ZNF611: variants seen among roughly 807,000 people sequenced by gnomAD.
The protein encoded by ZNF611 is zinc finger protein 611.
A neutral mutation model predicts 8.9 loss-of-function variants in ZNF611; 6 were observed. The observed-to-expected ratio is 0.68, with a 90% CI of 0.37 to 1.34. The LOEUF is 1.34. Ranked by LOEUF, ZNF611 falls within the 40% of genes most tolerant of loss-of-function variation. The probability of loss-of-function intolerance (pLI) is 0.02; values close to 1 mark genes in which losing one functional copy is unlikely to be tolerated. For synonymous variants in ZNF611, 262 were observed against 279.7 expected (o/e 0.94, Z 0.63); for missense variants, 874 against 841.3 (o/e 1.04, Z -0.48).
In ZNF611 at chr19:52,704,531, C is replaced by T; in HGVS notation, c.*406G>A. The T allele has an allele frequency of 8.3e-7, 1 of 1,207,472 alleles. No homozygotes were observed. The highest frequency in any genetic ancestry group is 2.4e-5 in the East Asian group (1 of 41,794). The allele number at this position is 1,207,472 out of a possible 1,614,324, so 74.8% of individuals were successfully genotyped here. Reference sequence around the variant, plus strand: ...CAGTCATGACATTTGTAAGGTTTCTCTCCAGTATGAGTTCACCGATGACCT... The same window carrying T: ...CAGTCATGACATTTGTAAGGTTTCTTTCCAGTATGAGTTCACCGATGACCT... On this transcript the variant is annotated 3_prime_UTR_variant, in exon 6 of 6. Coordinates refer to ENST00000652185, the MANE Select transcript of ZNF611 (RefSeq NM_001161499.2).
intron 3 of ZNF611, chr19:52,717,718 G>C (rs2062326989): frequency 2.0e-6 from 2 of 983,764 alleles, no homozygotes; most frequent in Admixed American, 6.2e-5. Flanking sequence ...GGACCAGAGG[G>C]AATTGAGGGA....
Position 52,703,588 on chromosome 19 carries a change from CCT to C in ZNF611, c.*1347_*1348del. On this transcript the variant is annotated 3_prime_UTR_variant, in exon 6 of 6. Coordinates refer to ENST00000652185, the MANE Select transcript of ZNF611 (RefSeq NM_001161499.2). ...CCACCACGTACCGAGGCTTTGATAT[CCT>C]TTTTTTTTTTTTTTTTTTTGAGATA... 8.9e-6 allele frequency: 1 copy of C among 111,836 alleles called. No individual in the cohort carries two copies. Among genetic ancestry groups the C allele is most frequent in the African/African-American group, 3.7e-5 (1 of 26,914 alleles). The allele number at this position is 111,836 out of a possible 1,614,324, so 6.9% of individuals were successfully genotyped here. A position where few individuals can be genotyped will look rare whatever the true frequency, so the allele number is the denominator to read the frequency against.
intron 4 of ZNF611, among the ~76,000 whole-genome samples, chr19:52,714,900 A>T (rs2062306344): frequency 6.6e-6 from 1 of 151,986 alleles, no homozygotes; most frequent in Non-Finnish European, 1.5e-5. Context: ...CAAGAGGCTG[A>T]GGCAGGAGGA....
chr19:52,726,502 G>T (rs894574021), intron 3 of ZNF611, among the ~76,000 whole-genome samples: 1 of 152,010 alleles, frequency 6.6e-6, no homozygotes, highest in Non-Finnish European at 1.5e-5. Flanking sequence ...CTCACTGCAA[G>T]CTCCACCTCC....
At position 52,729,512 on chromosome 19, in the gene ZNF611, A is replaced by G. The variant is rs867276452; in HGVS notation, c.-122+394T>C. 5.4e-3 allele frequency among the ~76,000 whole-genome samples: 808 copies of G among 148,792 alleles called. 14 individuals are homozygous for G. The highest frequency in any genetic ancestry group is 0.019 in the African/African-American group (749 of 40,088). ...CATCTCAAAAAAAAAAAAAAAAAAAAAAAAAAGAAAAGAAAGAAAAAGAAA... is the reference window on the plus strand; with the variant it reads ...CATCTCAAAAAAAAAAAAAAAAAAAGAAAAAAGAAAAGAAAGAAAAAGAAA... On this transcript the variant is annotated intron_variant, in intron 2 of 5. Transcript: ENST00000652185.
Position 52,705,700 on chromosome 19 carries a change from T to G in ZNF611, c.1355A>C (p.Lys452Thr), listed in dbSNP as rs1239727633. ...GTCACAAACCTTACATTTGTAAGAT[T>G]TCTCTCCACCATGAAGTCTATGATG... is the stretch of plus-strand genomic sequence containing the variant. ...VCHHRLHGGEKSYKCKVCDKA... is the reference protein window; with the variant it reads ...VCHHRLHGGETSYKCKVCDKA... The change falls in exon 6 of 6, where the codon AAA becomes ACA. Residue 452 changes from lysine (K) to threonine (T), a missense_variant. Lys to Thr is a moderately conservative substitution (Grantham distance 78). Transcript: ENST00000652185. 2 of 1,613,914 alleles carry G rather than the reference T, an allele frequency of 1.2e-6. No homozygotes were observed. The highest frequency in any genetic ancestry group is 1.7e-6 in the Non-Finnish European group (2 of 1,179,942).
chr19:52,729,843 C>T (rs1316370593), intron 2 of ZNF611, 63 bp downstream of exon 2: 1 of 152,154 alleles, frequency 6.6e-6, no homozygotes, highest in Non-Finnish European at 1.5e-5. Flanking sequence ...GTTAAGATCA[C>T]TATCTTCTGA....
intron 3 of ZNF611, among the ~76,000 whole-genome samples, chr19:52,722,338 C>T (rs899048168): frequency 9.3e-5 from 14 of 150,948 alleles, no homozygotes; most frequent in East Asian, 2.0e-4. Flanking sequence ...GAGTAGATAA[C>T]GCCATTGTAC....
intron 5 of ZNF611, chr19:52,708,127 C>T (rs1216861316): frequency 6.6e-6 from 1 of 152,188 alleles, no homozygotes; most frequent in Non-Finnish European, 1.5e-5. Flanking sequence ...AACTTCTACT[C>T]AACCACCAGC....
In ZNF611 at chr19:52,706,386, T is replaced by C; in HGVS notation, c.669A>G (p.Glu223=). Residue 223 remains glutamate (E), a synonymous_variant, in exon 6 of 6, where the codon GAA becomes GAG. Transcript: ENST00000652185. ...LNSSLLPQKQ[E]VHMREKSFQC... ...GGAAAGATTTTTCTCTCATGTGTAC[T>C]TCCTGTTTTTGTGGGAGTAATGAAG... The C allele has an allele frequency of 1.2e-6, 2 of 1,614,254 alleles. No homozygotes were observed. The highest frequency in any genetic ancestry group is 1.7e-6 in the Non-Finnish European group (2 of 1,180,050).
At chr19:52,731,347 C>T (rs919668503) in intron 1 of ZNF611, among the ~76,000 whole-genome samples, 8 of 151,838 alleles carry the variant, frequency 5.3e-5, no homozygotes, top group African/African-American at 1.2e-4. Context: ...TGAGCCACCA[C>T]GCCTGGCTTT....
At position 52,706,570 on chromosome 19, in the gene ZNF611, G is replaced by A. The variant is rs1229811054; in HGVS notation, c.485C>T (p.Ser162Leu). Reference protein sequence around the residue: ...IKDQLGSSFYSHLPELHIFQI... With the variant: ...IKDQLGSSFYLHLPELHIFQI... ...AAATATGTGGAGTTCAGGCAGATGT[G>A]AATAAAAGCTTGATCCAAGCTGATC... The change falls in exon 6 of 6, where the codon TCA (serine) becomes TTA (leucine). Residue 162 changes from serine to leucine, a missense_variant. By Grantham distance (145) the Ser-to-Leu change is moderately radical. Transcript: ENST00000652185. 1.7e-5 allele frequency: 27 copies of A among 1,614,050 alleles called. No individual in the cohort carries two copies. The highest frequency in any genetic ancestry group is 2.2e-5 in the Non-Finnish European group (26 of 1,180,044).
intron 1 of ZNF611, among the ~76,000 whole-genome samples, chr19:52,730,729 C>T (rs1038136502): frequency 6.6e-6 from 1 of 151,386 alleles, no homozygotes; most frequent in Admixed American, 6.6e-5. Context: ...GGATTACAGG[C>T]ATGCACCATC....
intron 5 of ZNF611, chr19:52,711,183 C>T (rs1006775545): frequency 6.6e-6 from 1 of 151,446 alleles, no homozygotes; most frequent in Non-Finnish European, 1.5e-5. Context: ...AAATACAAAA[C>T]TTGCCAGGCG....
chr19:52,721,500 G>A (rs1348305793), intron 3 of ZNF611, among the ~76,000 whole-genome samples: 4 of 152,208 alleles, frequency 2.6e-5, no homozygotes, highest in African/African-American at 4.8e-5. Flanking sequence ...CCAACATGGC[G>A]AAACCCCGTC....
chr19:52,710,130 G>A (rs1182912620), intron 5 of ZNF611, among the ~76,000 whole-genome samples: 1 of 151,984 alleles, frequency 6.6e-6, no homozygotes, highest in Admixed American at 6.6e-5. Context: ...CACCCAGGCT[G>A]GAGTGCAGTG....
intron 4 of ZNF611, 95 bp from the exon 5 acceptor site, chr19:52,714,236 T>A: frequency 6.4e-7 from 1 of 1,559,768 alleles, no homozygotes. Flanking sequence ...ATTTATTTGA[T>A]CAAAGATTAT....
rs1414889300 is a variant in ZNF611, at chr19:52,712,966, A to G, written c.190+1049T>C. On this transcript the variant is annotated intron_variant, in intron 5 of 5. Coordinates refer to ENST00000652185, the MANE Select transcript of ZNF611 (RefSeq NM_001161499.2). Reference sequence around the variant, plus strand: ...CCCAGCACTTTGGGAATCCAAGGCAACTGAATCACGTCAGGCCAGGCTATC... The same window carrying G: ...CCCAGCACTTTGGGAATCCAAGGCAGCTGAATCACGTCAGGCCAGGCTATC... 5.9e-5 allele frequency among the ~76,000 whole-genome samples: 9 copies of G among 152,240 alleles called. No homozygotes were observed. In the South Asian group the frequency reaches 8.3e-4, roughly 14 times the overall value.
In ZNF611 at chr19:52,705,545, G is replaced by T; in HGVS notation, c.1510C>A (p.His504Asn). 1.9e-6 allele frequency: 3 copies of T among 1,614,058 alleles called. No homozygotes were observed. The highest frequency in any genetic ancestry group is 2.5e-6 in the Non-Finnish European group (3 of 1,180,016). ...NSDLLIHKSI[H>N]TGEQPYKCDE... Reference sequence around the variant, plus strand: ...CATTTGTAAGGTTGCTCCCCAGTATGAATTGACTTATGAATTAAAAGATCT... The same window carrying T: ...CATTTGTAAGGTTGCTCCCCAGTATTAATTGACTTATGAATTAAAAGATCT... Residue 504 changes from histidine (H) to asparagine (N), a missense_variant, in exon 6 of 6, where the codon CAT (histidine) becomes AAT (asparagine). Coordinates refer to ENST00000652185, the MANE Select transcript of ZNF611 (RefSeq NM_001161499.2).
Sources: gnomAD v4.1 joint callset for allele counts (sites outside exome capture counted in the v4.1 genomes callset) on GRCh38, gnomAD v4.1.1 for gene constraint, MANE v1.5 for transcripts, NCBI Gene and HGNC (gene_info 2026-07-23, HGNC 2026-07-21) for gene names.